The following TMPRSS15 variants were observed in gnomAD, a reference collection of about 807,000 sequenced individuals.
The protein encoded by TMPRSS15 is enteropeptidase.
In TMPRSS15, 128 loss-of-function variants were observed where a neutral mutation model predicts 125.3. The observed-to-expected ratio is 1.02, with a 90% CI of 0.89 to 1.18. The LOEUF (loss-of-function observed/expected upper bound fraction) is 1.18. Among genes scored for constraint, TMPRSS15 ranks in the 50% most tolerant of loss-of-function variants. The pLI is 0.00. For synonymous variants in TMPRSS15, 446 were observed against 423.2 expected, an observed-to-expected ratio of 1.05 and a Z score of -0.66; for missense variants, 1,283 against 1,212.7, an observed-to-expected ratio of 1.06 and a Z score of -0.86.
chr21:18,297,119 T>C (rs2074916362), intron 19 of TMPRSS15, among the ~76,000 whole-genome samples: 1 of 152,102 alleles, frequency 6.6e-6, no homozygotes, highest in South Asian at 2.1e-4. Context: ...AATACCCAAA[T>C]AGGAGAAATG....
intron 1 of TMPRSS15, among the ~76,000 whole-genome samples, chr21:18,440,793 AG>A: frequency 6.6e-6 from 1 of 152,320 alleles, no homozygotes; most frequent in African/African-American, 2.4e-5. Context: ...CATTCATTGT[AG>A]TATCTTTTAT....
chr21:18,296,615 AT>A (rs2146904090), intron 19 of TMPRSS15, among the ~76,000 whole-genome samples: 1 of 152,334 alleles, frequency 6.6e-6, no homozygotes, highest in South Asian at 2.1e-4. Flanking sequence ...AACATAAATG[AT>A]TTTAAATAAT....
At chr21:18,429,079 G>T (rs543230135) in intron 1 of TMPRSS15, among the ~76,000 whole-genome samples, 28 of 152,298 alleles carry the variant, frequency 1.8e-4, no homozygotes, top group African/African-American at 6.5e-4. Context: ...GAGACCTGGA[G>T]TCAAAGGAGA....
In TMPRSS15 at chr21:18,315,215, ACT is replaced by A; in HGVS notation, c.1961_1962del (p.Glu654ValfsTer9). ...KADHFQCKNGECVPLVNLCDG... is the reference protein window; with the variant it reads ...KADHFQCKNGXCVPLVNLCDG... The stretch of plus-strand genomic sequence containing the variant: ...TCACAGAGATTCACCAGTGGAACAC[ACT>A]CTCCATTTTTACATTGAAAATGGTC... On this transcript the variant is annotated frameshift_variant, in exon 17 of 25. Coordinates refer to ENST00000284885, the MANE Select transcript of TMPRSS15 (RefSeq NM_002772.3). LOFTEE classifies it high-confidence loss of function. 1.9e-6 allele frequency: 3 copies of A among 1,613,874 alleles called. No individual in the cohort carries two copies. The highest frequency in any genetic ancestry group is 2.5e-6 in the Non-Finnish European group (3 of 1,179,984).
At chr21:18,349,217 C>G (rs2075539452) in intron 10 of TMPRSS15, among the ~76,000 whole-genome samples, 1 of 152,174 alleles carries the variant, frequency 6.6e-6, no homozygotes, top group South Asian at 2.1e-4. Context: ...TTATGAACCT[C>G]ATTTGTCCTG....
chr21:18,440,140 C>T (rs1160034342), intron 1 of TMPRSS15, among the ~76,000 whole-genome samples: 14 of 151,696 alleles, frequency 9.2e-5, no homozygotes, highest in African/African-American at 2.4e-5. Context: ...TTTGGGAGGC[C>T]GAGACGGGCG....
At chr21:18,385,040 C>T (rs1484308426) in intron 3 of TMPRSS15, among the ~76,000 whole-genome samples, 1 of 152,144 alleles carries the variant, frequency 6.6e-6, no homozygotes, top group South Asian at 2.1e-4. Flanking sequence ...TAATTCATTT[C>T]CAGGAAGCTG....
intron 1 of TMPRSS15, among the ~76,000 whole-genome samples, chr21:18,481,405 T>G (rs944135455): frequency 6.6e-6 from 1 of 151,808 alleles, no homozygotes; most frequent in African/African-American, 2.4e-5. Flanking sequence ...TGTTTTTCCC[T>G]AATAAATAAA....
chr21:18,445,015 GTAAA>G (rs1349732845), intron 1 of TMPRSS15, among the ~76,000 whole-genome samples: 3 of 152,112 alleles, frequency 2.0e-5, no homozygotes, highest in Non-Finnish European at 2.9e-5. Context: ...GGCAAAAATG[GTAAA>G]TAGTTTTGCA....
rs1359402616 is a variant in TMPRSS15, at chr21:18,294,667, C to A, written c.2262-15G>T. 3 of 1,604,280 alleles carry A rather than the reference C, an allele frequency of 1.9e-6. No individual in the cohort carries two copies. Among genetic ancestry groups the A allele is most frequent in the Non-Finnish European group, 2.6e-6 (3 of 1,171,320 alleles). ...AACACTGTTGACTGTAATAGAAGAA[C>A]AATCATATTTTTAAAATTATGCATT... On this transcript the variant is annotated splice_polypyrimidine_tract_variant and intron_variant, in intron 19 of 24. Transcript: ENST00000284885.
chr21:18,299,768 C>G (rs1477446632), intron 18 of TMPRSS15, among the ~76,000 whole-genome samples: 1 of 152,160 alleles, frequency 6.6e-6, no homozygotes. Flanking sequence ...GCAGCACCAG[C>G]CTCAGGAGAG....
chr21:18,389,262 G>A (rs1305280057), intron 3 of TMPRSS15, among the ~76,000 whole-genome samples: 2 of 150,558 alleles, frequency 1.3e-5, no homozygotes, highest in African/African-American at 4.9e-5. Flanking sequence ...GTAAATTAAG[G>A]AAGGAAGGAA....
At position 18,313,067 on chromosome 21, in the gene TMPRSS15, G is replaced by GA. The variant is rs1284864421; in HGVS notation, c.2042dup (p.Asn682GlnfsTer24). 51 of 1,613,106 alleles carry GA rather than the reference G, an allele frequency of 3.2e-5. No homozygotes were observed. Among genetic ancestry groups the GA allele is most frequent in the Non-Finnish European group, 4.2e-5 (49 of 1,179,418 alleles). On this transcript the variant is annotated frameshift_variant, in exon 18 of 25. Transcript: ENST00000284885. LOFTEE classifies it high-confidence loss of function. ...AACCATTGTTGTTCGTTGTGCCATT[G>GA]AAAAAACGCACTAAAGACACAGAGA...
intron 1 of TMPRSS15, among the ~76,000 whole-genome samples, chr21:18,476,973 C>A (rs1159737369): frequency 1.4e-5 from 2 of 146,804 alleles, no homozygotes. Context: ...CAATGCATAA[C>A]ACTGGAAGAA....
chr21:18,407,044 A>T (rs2076153709), upstream of TMPRSS15, among the ~76,000 whole-genome samples: 1 of 152,176 alleles, frequency 6.6e-6, no homozygotes, highest in Admixed American at 6.5e-5. Flanking sequence ...GTTATATGTG[A>T]TGTTGCACAG....
intron 13 of TMPRSS15, among the ~76,000 whole-genome samples, chr21:18,341,084 C>T (rs1246671536): frequency 6.6e-6 from 1 of 152,068 alleles, no homozygotes; most frequent in African/African-American, 2.4e-5. Context: ...TTTCTAGAGA[C>T]AGAGTCTTAC....
At chr21:18,404,846 T>C (rs957432501), upstream of TMPRSS15, among the ~76,000 whole-genome samples, 1 of 152,036 alleles carries the variant, frequency 6.6e-6, no homozygotes, top group Non-Finnish European at 1.5e-5. Context: ...CTGATAAAAA[T>C]AGAATTATGA....
chr21:18,456,721 T>C (rs1978448337), intron 1 of TMPRSS15, among the ~76,000 whole-genome samples: 1 of 152,128 alleles, frequency 6.6e-6, no homozygotes, highest in Non-Finnish European at 1.5e-5. Flanking sequence ...ACATACGTAG[T>C]GCTACTACTG....
chr21:18,370,370 T>C (rs2075780449), intron 6 of TMPRSS15, among the ~76,000 whole-genome samples: 1 of 152,164 alleles, frequency 6.6e-6, no homozygotes, highest in Non-Finnish European at 1.5e-5. Flanking sequence ...GATTCATATA[T>C]TTTGGTAGTT....
Sources: gnomAD v4.1 joint callset for allele counts (sites outside exome capture counted in the v4.1 genomes callset) on GRCh38, gnomAD v4.1.1 for gene constraint, MANE v1.5 for transcripts, NCBI Gene and HGNC (gene_info 2026-07-23, HGNC 2026-07-21) for gene names.